Variants in NELL1 observed in about 807,000 individuals in gnomAD.
NELL1 encodes the protein protein kinase C-binding protein NELL1.
Under a neutral mutation model 107.4 loss-of-function variants are expected in NELL1, and 76 were observed. That is an observed-to-expected ratio of 0.71 (90% CI 0.59 to 0.86). The LOEUF is 0.86. Ranked by LOEUF, NELL1 falls within the 40% of genes least tolerant of loss-of-function variation. The pLI is 0.00. For synonymous variants in NELL1, 353 were observed against 341.2 expected, an observed-to-expected ratio of 1.03 and a Z score of -0.38; for missense variants, 1,024 against 1,005.5, an observed-to-expected ratio of 1.02 and a Z score of -0.25.
intron 17 of NELL1, among the ~76,000 whole-genome samples, chr11:21,568,271 A>G (rs1857018316): frequency 1.4e-5 from 2 of 145,124 alleles, no homozygotes; most frequent in African/African-American, 4.9e-5. Flanking sequence ...AATACATATA[A>G]AAGACAAAAA....
intron 13 of NELL1, among the ~76,000 whole-genome samples, chr11:21,226,395 A>C (rs2133879630): frequency 6.6e-6 from 1 of 152,310 alleles, no homozygotes; most frequent in East Asian, 1.9e-4. Context: ...CAGTAGTGAC[A>C]TGTTTGTTCA....
chr11:21,556,503 G>C (rs112545472), intron 16 of NELL1, among the ~76,000 whole-genome samples: 4 of 152,022 alleles, frequency 2.6e-5, no homozygotes, highest in African/African-American at 9.6e-5. Context: ...TTGGCTTGAA[G>C]GGTAGGAAAA....
chr11:21,308,036 C>T (rs898789824), intron 14 of NELL1, among the ~76,000 whole-genome samples: 6 of 151,998 alleles, frequency 3.9e-5, no homozygotes, highest in African/African-American at 9.7e-5. Flanking sequence ...AAAAGCCTGA[C>T]TCATGTGGAA....
chr11:20,712,928 T>A (rs777120053), intron 2 of NELL1, among the ~76,000 whole-genome samples: 4 of 152,204 alleles, frequency 2.6e-5, no homozygotes, highest in African/African-American at 7.2e-5. Flanking sequence ...GTAAATATGT[T>A]TAGTGTGCTT....
intron 9 of NELL1, among the ~76,000 whole-genome samples, chr11:20,934,626 A>G (rs551543638): frequency 1.3e-5 from 2 of 152,306 alleles, no homozygotes; most frequent in African/African-American, 2.4e-5. Context: ...AAAAATGTCT[A>G]TTTCTTCGCT....
intron 1 of NELL1, among the ~76,000 whole-genome samples, chr11:20,675,938 A>G (rs1423015598): frequency 2.6e-5 from 4 of 151,952 alleles, no homozygotes; most frequent in African/African-American, 7.3e-5. Context: ...TTGTAGAGAC[A>G]TGGTCTCCCT....
chr11:21,411,077 A>T (rs1438223620), intron 15 of NELL1, among the ~76,000 whole-genome samples: 1 of 152,104 alleles, frequency 6.6e-6, no homozygotes, highest in Non-Finnish European at 1.5e-5. Context: ...ACAATTTTGA[A>T]TCATAACCTC....
At chr11:21,113,400 A>C (rs1855151770) in intron 12 of NELL1, among the ~76,000 whole-genome samples, 189 bp from the exon 13 acceptor site, 1 of 151,998 alleles carries the variant, frequency 6.6e-6, no homozygotes, top group Non-Finnish European at 1.5e-5. Flanking sequence ...TCGTTCTGGA[A>C]ACACTTTCAG....
At chr11:21,057,251 T>C (rs1186845954) in intron 12 of NELL1, among the ~76,000 whole-genome samples, 3 of 152,114 alleles carry the variant, frequency 2.0e-5, no homozygotes, top group Non-Finnish European at 4.4e-5. Context: ...ATCAAATATA[T>C]GCAAACTAAA....
intron 15 of NELL1, among the ~76,000 whole-genome samples, chr11:21,528,211 T>C (rs1260032567): frequency 6.6e-6 from 1 of 152,332 alleles, no homozygotes; most frequent in Admixed American, 6.5e-5. Flanking sequence ...AGTTTTTAGA[T>C]TGATCTCATT....
intron 15 of NELL1, among the ~76,000 whole-genome samples, chr11:21,490,458 C>CAA (rs66826369): frequency 1.1e-4 from 12 of 109,978 alleles, no homozygotes; most frequent in African/African-American, 3.7e-4. Context: ...TGTATGGAAC[C>CAA]AAAAAAAAAA....
chr11:21,149,532 G>A (rs998823463), intron 13 of NELL1, among the ~76,000 whole-genome samples: 6 of 152,114 alleles, frequency 3.9e-5, no homozygotes, highest in African/African-American at 1.4e-4. Context: ...GAAGAGTATG[G>A]GGGAATCCCC....
intron 2 of NELL1, among the ~76,000 whole-genome samples, chr11:20,700,043 C>CAT (rs34323228): frequency 0.044 from 6,667 of 151,994 alleles, 470 homozygotes; most frequent in African/African-American, 0.15. Context: ...GGACGTAGAA[C>CAT]TTTTTTTTTA....
intron 4 of NELL1, among the ~76,000 whole-genome samples, chr11:20,877,755 T>C (rs1849333235): frequency 6.6e-6 from 1 of 152,228 alleles, no homozygotes; most frequent in Non-Finnish European, 1.5e-5. Context: ...AGATGTTTAA[T>C]TTTACATGGT....
intron 15 of NELL1, among the ~76,000 whole-genome samples, chr11:21,496,408 GTTTTT>G (rs749782963): frequency 8.2e-6 from 1 of 121,274 alleles, no homozygotes. Flanking sequence ...TTCTTCTCTT[GTTTTT>G]TTTTTTTTTT....
chr11:20,823,048 A>G (rs1857794948), intron 3 of NELL1, among the ~76,000 whole-genome samples: 1 of 151,680 alleles, frequency 6.6e-6, no homozygotes, highest in African/African-American at 2.4e-5. Context: ...ACAGTACAGT[A>G]AACAGCAGAA....
In NELL1 at chr11:21,017,050, A is replaced by G. The variant is rs375079783; in HGVS notation, c.1300+56490A>G. Among the ~76,000 whole-genome samples, 9 of 152,232 alleles carry G rather than the reference A, an allele frequency of 5.9e-5. 1 individual carries two copies. In the South Asian group the frequency reaches 1.9e-3, roughly 32 times the overall value. ...CTGGATTCCATGTTATCCACCTGGC[A>G]TCATCACCACCATTCCCTTCTAAAG... On this transcript the variant is annotated intron_variant, in intron 12 of 19. Transcript: ENST00000357134.
chr11:21,224,597 T>A (rs1857846225), intron 13 of NELL1, among the ~76,000 whole-genome samples: 1 of 152,180 alleles, frequency 6.6e-6, no homozygotes, highest in African/African-American at 2.4e-5. Context: ...ATTCACATAT[T>A]TGTTTACTTA....
intron 1 of NELL1, chr11:20,674,565 T>C: frequency 6.6e-7 from 1 of 1,523,382 alleles, no homozygotes; most frequent in Non-Finnish European, 8.8e-7. Context: ...AGCAATCCCT[T>C]CAGGGAGGCA....
Sources: gnomAD v4.1 joint callset for allele counts (sites outside exome capture counted in the v4.1 genomes callset) on GRCh38, gnomAD v4.1.1 for gene constraint, MANE v1.5 for transcripts, NCBI Gene and HGNC (gene_info 2026-07-23, HGNC 2026-07-21) for gene names.